RPS6KC1: variants seen among roughly 807,000 people sequenced by gnomAD.
RPS6KC1 encodes the protein inactive ribosomal protein S6 kinase delta-1.
In RPS6KC1, 54 loss-of-function variants were observed where a neutral mutation model predicts 103.8. That is an observed-to-expected ratio of 0.52 (90% CI 0.42 to 0.65). RPS6KC1 has a LOEUF of 0.65. Among genes scored for constraint, RPS6KC1 ranks in the 30% least tolerant of loss-of-function variants. The pLI is 0.00. For synonymous variants in RPS6KC1, 439 were observed against 438.7 expected, an observed-to-expected ratio of 1.00 and a Z score of -0.01; for missense variants, 1,151 against 1,253.8, an observed-to-expected ratio of 0.92 and a Z score of 1.24.
chr1:213,380,805 A>C, the RPS6KC1 span, among the ~76,000 whole-genome samples: 2 of 152,278 alleles, frequency 1.3e-5, no homozygotes, highest in Non-Finnish European at 2.9e-5. Context: ...TATTTCCGCC[A>C]TCCGCAGCTC....
chr1:213,717,382 G>A, the RPS6KC1 span, among the ~76,000 whole-genome samples: 21 of 152,134 alleles, frequency 1.4e-4, no homozygotes, highest in Admixed American at 1.3e-3. Flanking sequence ...AAGTTGACAA[G>A]GCAAACAAGA....
At chr1:213,307,373 TTCC>T in the RPS6KC1 span, among the ~76,000 whole-genome samples, 2 of 152,082 alleles carry the variant, frequency 1.3e-5, no homozygotes, top group African/African-American at 2.4e-5. Flanking sequence ...TTGAAGGGTT[TTCC>T]TCTTGTCAGG....
chr1:213,108,649 ACTT>A lies in RPS6KC1; in HGVS notation c.378+4084_378+4086del, dbSNP rs1421834175. Among the ~76,000 whole-genome samples, 149 of 149,792 alleles carry A rather than the reference ACTT, an allele frequency of 9.9e-4. No individual in the cohort carries two copies. The Middle Eastern group carries it at 0.017, about 17-fold the overall frequency. ...AATTTTAAAATTATTTTATTATTTTACTTCTTTTTTTTTTTTTTTTAAAGAATT... is the reference window on the plus strand; with the variant it reads ...AATTTTAAAATTATTTTATTATTTTACTTTTTTTTTTTTTTTTAAAGAATT... On this transcript the variant is annotated intron_variant, in intron 4 of 14. Coordinates refer to ENST00000366960, the MANE Select transcript of RPS6KC1 (RefSeq NM_012424.6).
the RPS6KC1 span, among the ~76,000 whole-genome samples, chr1:213,771,928 A>G: frequency 6.6e-6 from 1 of 152,146 alleles, no homozygotes; most frequent in South Asian, 2.1e-4. Context: ...CTGGAAAGGG[A>G]GGATATCTGG....
At chr1:213,204,377 G>T (rs1274096699) in intron 8 of RPS6KC1, among the ~76,000 whole-genome samples, 1 of 151,994 alleles carries the variant, frequency 6.6e-6, no homozygotes, top group Non-Finnish European at 1.5e-5. Context: ...TGCCTTTGAT[G>T]CTATTAATTA....
the RPS6KC1 span, among the ~76,000 whole-genome samples, chr1:213,780,689 A>C: frequency 8.5e-4 from 129 of 152,236 alleles, no homozygotes; most frequent in Admixed American, 7.7e-3. Flanking sequence ...AACCTGAGAG[A>C]TGGCACTTCG....
the RPS6KC1 span, among the ~76,000 whole-genome samples, chr1:213,387,398 A>G: frequency 6.6e-6 from 1 of 152,176 alleles, no homozygotes; most frequent in Non-Finnish European, 1.5e-5. Context: ...TTGACCTATC[A>G]CCATCACTTC....
intron 3 of RPS6KC1, among the ~76,000 whole-genome samples, chr1:213,078,698 G>A (rs917249176): frequency 1.8e-4 from 28 of 152,278 alleles, no homozygotes; most frequent in African/African-American, 5.3e-4. Context: ...CACTGTGCCC[G>A]GGCCAGAACA....
At chr1:213,437,259 T>C in the RPS6KC1 span, among the ~76,000 whole-genome samples, 1 of 152,002 alleles carries the variant, frequency 6.6e-6, no homozygotes, top group Non-Finnish European at 1.5e-5. Context: ...CTGCATCTAT[T>C]GAAATGGTTA....
At chr1:213,634,608 A>G in the RPS6KC1 span, among the ~76,000 whole-genome samples, 6 of 152,346 alleles carry the variant, frequency 3.9e-5, no homozygotes, top group Admixed American at 1.3e-4. Flanking sequence ...ATAGCTCTAA[A>G]TGCCCATAAG....
chr1:213,609,073 T>C, the RPS6KC1 span, among the ~76,000 whole-genome samples: 2,969 of 152,252 alleles, frequency 0.02, 107 homozygotes, highest in African/African-American at 0.068. Flanking sequence ...AAAATTGAAA[T>C]GGAGGAGGAG....
chr1:213,472,462 T>C, the RPS6KC1 span, among the ~76,000 whole-genome samples: 1 of 152,350 alleles, frequency 6.6e-6, no homozygotes, highest in Admixed American at 6.5e-5. Context: ...TTCATTGTTA[T>C]GTAGCCATTG....
the RPS6KC1 span, among the ~76,000 whole-genome samples, chr1:213,813,008 T>G: frequency 6.6e-6 from 1 of 151,982 alleles, no homozygotes; most frequent in Non-Finnish European, 1.5e-5. Flanking sequence ...ATCCCAGCAC[T>G]TTGGGAGGCT....
chr1:213,465,262 TCA>T, the RPS6KC1 span, among the ~76,000 whole-genome samples: 1 of 152,190 alleles, frequency 6.6e-6, no homozygotes. Context: ...GATATCTATC[TCA>T]CAGTTTGTTT....
the RPS6KC1 span, among the ~76,000 whole-genome samples, chr1:213,674,449 T>C: frequency 6.6e-6 from 1 of 152,248 alleles, no homozygotes; most frequent in Non-Finnish European, 1.5e-5. Context: ...ACTCCATCCA[T>C]GTTGATGCAG....
At chr1:213,838,943 A>G in the RPS6KC1 span, among the ~76,000 whole-genome samples, 1 of 152,242 alleles carries the variant, frequency 6.6e-6, no homozygotes, top group Non-Finnish European at 1.5e-5. Flanking sequence ...GAAGAAATCC[A>G]CAGAAATGAA....
the RPS6KC1 span, among the ~76,000 whole-genome samples, chr1:213,749,310 G>T: frequency 6.6e-6 from 1 of 152,210 alleles, no homozygotes; most frequent in Admixed American, 6.5e-5. Context: ...CATCGAAGAA[G>T]CCTAAGGTCA....
At chr1:213,696,815 C>T in the RPS6KC1 span, among the ~76,000 whole-genome samples, 1 of 152,190 alleles carries the variant, frequency 6.6e-6, no homozygotes, top group Non-Finnish European at 1.5e-5. Flanking sequence ...TCTCCCCATC[C>T]ATCAAGCAGG....
the RPS6KC1 span, among the ~76,000 whole-genome samples, chr1:213,375,809 T>G: frequency 6.6e-6 from 1 of 152,230 alleles, no homozygotes; most frequent in Non-Finnish European, 1.5e-5. Flanking sequence ...TGTTTCTTCC[T>G]TTCTGCATTT....
Sources: allele counts gnomAD v4.1 joint callset (sites outside exome capture counted in the v4.1 genomes callset), GRCh38; gene constraint gnomAD v4.1.1; transcripts MANE v1.5; gene names NCBI Gene and HGNC (gene_info 2026-07-23, HGNC 2026-07-21).